CAMTA1: variants seen among roughly 807,000 people sequenced by gnomAD.
CAMTA1 encodes the protein calmodulin-binding transcription activator 1.
A neutral mutation model predicts 170.9 loss-of-function variants in CAMTA1; 27 were observed. The ratio of observed to expected loss-of-function variants is 0.16; its 90% confidence interval spans 0.12 to 0.22. The LOEUF (loss-of-function observed/expected upper bound fraction) is 0.22. CAMTA1 is among the 10% of genes least tolerant of loss of function. The probability of loss-of-function intolerance (pLI) is 1.00; values close to 1 mark genes in which losing one functional copy is unlikely to be tolerated. For synonymous variants in CAMTA1, 833 were observed against 891.5 expected, an observed-to-expected ratio of 0.93 and a Z score of 1.17; for missense variants, 1,619 against 2,217.2, an observed-to-expected ratio of 0.73 and a Z score of 5.42.
At chr1:7,398,327 T>A (rs1168668474) in intron 5 of CAMTA1, among the ~76,000 whole-genome samples, 3 of 149,184 alleles carry the variant, frequency 2.0e-5, no homozygotes, top group Non-Finnish European at 4.5e-5. Context: ...TTTATTATTA[T>A]ATAGCGAGTG....
intron 3 of CAMTA1, among the ~76,000 whole-genome samples, chr1:6,863,248 G>A (rs1455208550): frequency 1.3e-5 from 2 of 152,076 alleles, no homozygotes; most frequent in Non-Finnish European, 2.9e-5. Context: ...TGTAGTCACC[G>A]TGCTGTACAT....
At chr1:7,531,169 G>T (rs2094488550) in intron 6 of CAMTA1, among the ~76,000 whole-genome samples, 1 of 141,782 alleles carries the variant, frequency 7.1e-6, no homozygotes, top group African/African-American at 2.5e-5. Context: ...TGGAAGCATG[G>T]ATGGGAGGGA....
In CAMTA1 at chr1:7,010,544, T is replaced by C. The variant is rs1699636421; in HGVS notation, c.235-80760T>C. On this transcript the variant is annotated intron_variant, in intron 3 of 22. Transcript: ENST00000303635. This position sits in a 1 kb window ranked among gnomAD's most constrained non-coding sequence, Gnocchi z 4.4. ...GACTTTGGAGGTGGAAAGACCTGAGTTCAAATCTCGGACCCACTACTGACC... is the reference window on the plus strand; with the variant it reads ...GACTTTGGAGGTGGAAAGACCTGAGCTCAAATCTCGGACCCACTACTGACC... Among the ~76,000 whole-genome samples, 1 of 152,104 alleles carries C rather than the reference T, an allele frequency of 6.6e-6. No homozygotes were observed. The highest frequency in any genetic ancestry group is 1.5e-5 in the Non-Finnish European group (1 of 68,012).
rs1558012401 is a variant in CAMTA1, at chr1:7,041,804, C to T, written c.235-49500C>T. On this transcript the variant is annotated intron_variant, in intron 3 of 22. Transcript: ENST00000303635. This position sits in a 1 kb window ranked among gnomAD's most constrained non-coding sequence, Gnocchi z 5.1. ...AACCAGTCTGTCTTCATATTCAAAA[C>T]AGCAAGGCCTAGACTATCTCGATAC... Among the ~76,000 whole-genome samples, 1 of 152,186 alleles carries T rather than the reference C, an allele frequency of 6.6e-6. No homozygotes were observed. The highest frequency in any genetic ancestry group is 2.1e-4 in the South Asian group (1 of 4,830).
At chr1:7,449,840 G>C (rs534505955) in intron 5 of CAMTA1, among the ~76,000 whole-genome samples, 1 of 151,668 alleles carries the variant, frequency 6.6e-6, no homozygotes, top group Non-Finnish European at 1.5e-5. Flanking sequence ...TCAGTGGAAC[G>C]GCAGGGACTC....
chr1:6,800,987 G>A (rs1643727477), intron 1 of CAMTA1, among the ~76,000 whole-genome samples: 1 of 152,188 alleles, frequency 6.6e-6, no homozygotes. Context: ...TTTGATGAAA[G>A]TTTCTTCCTC....
intron 11 of CAMTA1, among the ~76,000 whole-genome samples, chr1:7,724,528 T>G (rs907106830): frequency 1.3e-5 from 2 of 152,186 alleles, no homozygotes; most frequent in South Asian, 4.1e-4. Context: ...AGAGTCATAT[T>G]CCTTCAAAAG....
At chr1:6,842,171 C>T (rs1010260611) in intron 3 of CAMTA1, among the ~76,000 whole-genome samples, 2 of 152,220 alleles carry the variant, frequency 1.3e-5, no homozygotes, top group African/African-American at 2.4e-5. Flanking sequence ...AACATTTATT[C>T]ACTCCACAAC....
chr1:7,246,670 C>CTTTTTTTTTTT (rs34382670), intron 4 of CAMTA1, among the ~76,000 whole-genome samples: 7 of 73,922 alleles, frequency 9.5e-5, no homozygotes, highest in African/African-American at 3.6e-4. Flanking sequence ...CTCTGACCTG[C>CTTTTTTTTTTT]TTTTTTTTTT....
chr1:7,199,844 A>G (rs547572061), intron 4 of CAMTA1, among the ~76,000 whole-genome samples: 1 of 152,306 alleles, frequency 6.6e-6, no homozygotes, highest in Non-Finnish European at 1.5e-5. Flanking sequence ...GGATAGCCTC[A>G]TACCCGCCAC....
intron 4 of CAMTA1, among the ~76,000 whole-genome samples, chr1:7,112,273 C>G (rs1198770214): frequency 6.6e-6 from 1 of 152,128 alleles, no homozygotes; most frequent in African/African-American, 2.4e-5. Context: ...ACTGTATGAC[C>G]CTTAGAGACA....
At chr1:7,525,124 G>A (rs2094416077) in intron 6 of CAMTA1, among the ~76,000 whole-genome samples, 1 of 152,148 alleles carries the variant, frequency 6.6e-6, no homozygotes, top group African/African-American at 2.4e-5. Flanking sequence ...CTCTCCAGGG[G>A]GCTGGCCAGG....
intron 3 of CAMTA1, among the ~76,000 whole-genome samples, chr1:6,924,166 C>CAA (rs1274868227): frequency 4.6e-5 from 7 of 152,220 alleles, no homozygotes; most frequent in Non-Finnish European, 1.5e-5. Flanking sequence ...AGGCACTGTT[C>CAA]CCGGGACTGG....
In CAMTA1 at chr1:6,934,114, G is replaced by A. The variant is rs996895513; in HGVS notation, c.234+108904G>A. Among the ~76,000 whole-genome samples, 3 of 152,170 alleles carry A rather than the reference G, an allele frequency of 2.0e-5. No homozygotes were observed. Among genetic ancestry groups the A allele is most frequent in the African/African-American group, 7.2e-5 (3 of 41,440 alleles). On this transcript the variant is annotated intron_variant, in intron 3 of 22. Transcript: ENST00000303635. The surrounding 1 kb of genome is among the most constrained non-coding windows in gnomAD (Gnocchi z 4.5). ...TGTCCTGCCACACCGGTGGGTGTAG[G>A]ACCATATGAGTGACTGAGGGGCCAG...
intron 6 of CAMTA1, among the ~76,000 whole-genome samples, chr1:7,537,431 C>T (rs549609243): frequency 3.2e-4 from 48 of 152,278 alleles, no homozygotes; most frequent in Non-Finnish European, 1.9e-4. Flanking sequence ...GGCCCCTGCC[C>T]GAGCAACAGC....
intron 5 of CAMTA1, among the ~76,000 whole-genome samples, chr1:7,413,633 T>C (rs1221736694): frequency 5.3e-5 from 8 of 152,298 alleles, no homozygotes; most frequent in Non-Finnish European, 1.0e-4. Flanking sequence ...CTGAAGTTGC[T>C]TATCAGCTTA....
chr1:7,702,815 C>T (rs991495625), intron 11 of CAMTA1, among the ~76,000 whole-genome samples: 1 of 152,152 alleles, frequency 6.6e-6, no homozygotes, highest in Non-Finnish European at 1.5e-5. Flanking sequence ...AACCCAGAAG[C>T]CACCCCAACC....
At chr1:7,354,551 A>G (rs1005826252) in intron 5 of CAMTA1, among the ~76,000 whole-genome samples, 4 of 152,218 alleles carry the variant, frequency 2.6e-5, no homozygotes, top group Non-Finnish European at 4.4e-5. Flanking sequence ...TCTTTGCGGT[A>G]GAATAATTTA....
chr1:7,310,698 CTCTCTTTCTTTCTTTCTTTCTTTCTT>C (rs1284906106), intron 5 of CAMTA1, among the ~76,000 whole-genome samples: 881 of 52,478 alleles, frequency 0.017, 97 homozygotes, highest in African/African-American at 0.083. Flanking sequence ...CTCTCTCTCT[CTCTCTTTCTTTCTTTCTTTCTTTCTT>C]TCTTTCTTTC....
Sources: allele counts gnomAD v4.1 joint callset (sites outside exome capture counted in the v4.1 genomes callset), GRCh38; gene constraint gnomAD v4.1.1; non-coding constraint Gnocchi (gnomAD v3.1); transcripts MANE v1.5; gene names NCBI Gene and HGNC (gene_info 2026-07-23, HGNC 2026-07-21).